Variants in VWA2 observed in about 807,000 individuals in gnomAD.
The protein encoded by VWA2 is von Willebrand factor A domain-containing protein 2.
In VWA2, 73 loss-of-function variants were observed where a neutral mutation model predicts 70.4. The observed-to-expected ratio is 1.04, with a 90% CI of 0.86 to 1.26. The LOEUF is 1.26. VWA2 is among the 50% of genes most tolerant of loss of function. The pLI is 0.00. For missense variants in VWA2, 1,011 were observed against 998.5 expected (o/e 1.01, Z -0.17); for synonymous variants, 407 against 423.3 (o/e 0.96, Z 0.47).
At chr10:114,269,139 C>T (rs893479146) in intron 5 of VWA2, among the ~76,000 whole-genome samples, 1 of 152,206 alleles carries the variant, frequency 6.6e-6, no homozygotes, top group Non-Finnish European at 1.5e-5. Context: ...GAGAGGGTGA[C>T]AGCATTGGTA....
At position 114,292,162 on chromosome 10, in the gene VWA2, A is replaced by G. The variant is rs1440341268; in HGVS notation, c.*925A>G. On this transcript the variant is annotated 3_prime_UTR_variant, in exon 14 of 14. Transcript: ENST00000392982. ...GGTGGTGGTGGATGCCTATAATCCC[A>G]GCTACTCGGGAGGCTGAGACAGGAG... 2.0e-5 allele frequency among the ~76,000 whole-genome samples: 3 copies of G among 152,040 alleles called. No individual in the cohort carries two copies. The highest frequency in any genetic ancestry group is 6.6e-5 in the Admixed American group (1 of 15,256).
At chr10:114,289,696 TTAAC>T in intron 12 of VWA2, 1 of 607,528 alleles carries the variant, frequency 1.6e-6, no homozygotes, top group South Asian at 2.0e-5. Flanking sequence ...TACAGAAAGT[TTAAC>T]TAACATAGAT....
At chr10:114,249,941 C>A (rs2037160656) in intron 2 of VWA2, among the ~76,000 whole-genome samples, 1 of 152,152 alleles carries the variant, frequency 6.6e-6, no homozygotes, top group Non-Finnish European at 1.5e-5. Context: ...TCCTTCCAGT[C>A]CTGCCCTGCA....
At chr10:114,280,396 C>T (rs2038015014) in intron 8 of VWA2, among the ~76,000 whole-genome samples, 1 of 151,784 alleles carries the variant, frequency 6.6e-6, no homozygotes, top group African/African-American at 2.4e-5. Flanking sequence ...GTAGCAGGTG[C>T]TGTGGAGGAA....
Position 114,291,380 on chromosome 10 carries a change from A to G in VWA2, c.*143A>G. 1 of 983,252 alleles carries G rather than the reference A, an allele frequency of 1.0e-6. No individual in the cohort carries two copies. The highest frequency in any genetic ancestry group is 1.4e-6 in the Non-Finnish European group (1 of 689,888). The allele number at this position is 983,252 out of a possible 1,614,324, so 60.9% of individuals were successfully genotyped here. A position where few individuals can be genotyped will look rare whatever the true frequency, so the allele number is the denominator to read the frequency against. ...ATGTCTGCTTCCCGCCGTGGCCAGG[A>G]CCACTATTCTCACTGAGGGAGGAGG... On this transcript the variant is annotated 3_prime_UTR_variant, in exon 14 of 14. Coordinates refer to ENST00000392982, the MANE Select transcript of VWA2 (RefSeq NM_001272046.2).
At chr10:114,279,314 C>T (rs1589768070) in intron 8 of VWA2, among the ~76,000 whole-genome samples, 1 of 152,136 alleles carries the variant, frequency 6.6e-6, no homozygotes, top group Non-Finnish European at 1.5e-5. Context: ...GCACCTGCTG[C>T]CCGTCTGCCC....
At chr10:114,278,161 AAC>A in intron 7 of VWA2, 114 bp downstream of exon 7, 1 of 1,422,882 alleles carries the variant, frequency 7.0e-7, no homozygotes, top group South Asian at 1.4e-5. Flanking sequence ...AGGCAAGAGA[AAC>A]AGAGACCGGC....
rs776837407 is a variant in VWA2, at chr10:114,248,719, C to A, written c.6C>A (p.Pro2=). 1.5e-5 allele frequency: 25 copies of A among 1,613,404 alleles called. No homozygotes were observed. Among genetic ancestry groups the A allele is most frequent in the Non-Finnish European group, 9.3e-6 (11 of 1,179,528 alleles). The part of the protein sequence containing the change: M[P]PFLLLEAVCV... ...GTCCCTGTAGTTATATCAACATGCC[C>A]CCTTTCCTGTTGCTGGAAGCCGTCT... Residue 2 remains proline (P), a synonymous_variant, in exon 2 of 14, where the codon CCC becomes CCA. Transcript: ENST00000392982.
chr10:114,278,388 G>C (rs1165789193), intron 7 of VWA2, among the ~76,000 whole-genome samples: 2 of 152,176 alleles, frequency 1.3e-5, no homozygotes, highest in African/African-American at 4.8e-5. Context: ...TGCTTGGTGC[G>C]AGATCCCTGC....
At chr10:114,288,858 C>T (rs896073516) in intron 11 of VWA2, 80 bp from the exon 12 acceptor site, 4 of 1,505,618 alleles carry the variant, frequency 2.7e-6, no homozygotes, top group Non-Finnish European at 3.6e-6. Flanking sequence ...TGGTCCTACC[C>T]AACCTGGCAG....
rs181683091 is a variant in VWA2, at chr10:114,249,511, C to A, written c.52+746C>A. Reference sequence around the variant, plus strand: ...CCTCAGGTGATCTGACCGTCTTGGCCTCCCAAAGTGCTAGGATTACAGGCA... The same window carrying A: ...CCTCAGGTGATCTGACCGTCTTGGCATCCCAAAGTGCTAGGATTACAGGCA... On this transcript the variant is annotated intron_variant, in intron 2 of 13. Transcript: ENST00000392982. 1.3e-3 allele frequency among the ~76,000 whole-genome samples: 195 copies of A among 152,276 alleles called. 2 individuals carry two copies. Among genetic ancestry groups the A allele is most frequent in the African/African-American group, 4.4e-3 (184 of 41,558 alleles).
rs999030211 is a variant in VWA2, at chr10:114,291,992, C to T, written c.*755C>T. Reference sequence around the variant, plus strand: ...TGAAGGGTCTTCCTTTCAAAAGAGGCTGCGGCCAGAGACTGTGGCTCATGC... The same window carrying T: ...TGAAGGGTCTTCCTTTCAAAAGAGGTTGCGGCCAGAGACTGTGGCTCATGC... On this transcript the variant is annotated 3_prime_UTR_variant, in exon 14 of 14. Coordinates refer to ENST00000392982, the MANE Select transcript of VWA2 (RefSeq NM_001272046.2). Among the ~76,000 whole-genome samples the T allele has an allele frequency of 6.6e-5, 10 of 152,102 alleles. No individual in the cohort carries two copies. Among genetic ancestry groups the T allele is most frequent in the African/African-American group, 2.4e-4 (10 of 41,422 alleles).
rs368890749 is a variant in VWA2 at position 114,278,729 on chromosome 10, C to G, written c.711C>G (p.Val237=). ...GTGTTGTGGACACAGACTGCAGGGT[C>G]GAGGCTCACCCCTGTGAGCACAGGA... The part of the protein sequence containing the change: ...ICSSATPDCR[V]EAHPCEHRTL... Residue 237 remains valine (V), a synonymous_variant, in exon 8 of 14, where the codon GTC becomes GTG. Coordinates refer to ENST00000392982, the MANE Select transcript of VWA2 (RefSeq NM_001272046.2). 1 of 1,613,934 alleles carries G rather than the reference C, an allele frequency of 6.2e-7. No individual in the cohort carries two copies. The highest frequency in any genetic ancestry group is 8.5e-7 in the Non-Finnish European group (1 of 1,180,014).
rs192400010 is a variant in VWA2 at position 114,260,571 on chromosome 10, G to A, written c.262-615G>A. On this transcript the variant is annotated intron_variant, in intron 4 of 13. Transcript: ENST00000392982. ...GATGGTGGCTATGGTTAGCTTCTGC[G>A]GCAGCCCCAGTTGGGTCAGTAAGTG... 9.0e-3 allele frequency among the ~76,000 whole-genome samples: 1,367 copies of A among 152,228 alleles called. 23 individuals carry two copies. The highest frequency in any genetic ancestry group is 0.031 in the African/African-American group (1,304 of 41,528).
At chr10:114,246,505 C>CAAAGAAAAAAAAAAAAAAAAAA in intron 1 of VWA2, 1 of 382,566 alleles carries the variant, frequency 2.6e-6, no homozygotes, top group Non-Finnish European at 4.3e-6. Context: ...AACTCCATCT[C>CAAAGAAAAAAAAAAAAAAAAAA]AAAAAAAAAA....
chr10:114,246,522 AAAAC>A (rs1450916754), intron 1 of VWA2: 279 of 810,966 alleles, frequency 3.4e-4, no homozygotes, highest in Middle Eastern at 1.5e-3. Context: ...AAAAAAAAAA[AAAAC>A]GAGTATCATG....
At chr10:114,259,744 C>T (rs946755550) in intron 4 of VWA2, among the ~76,000 whole-genome samples, 4 of 152,114 alleles carry the variant, frequency 2.6e-5, no homozygotes, top group African/African-American at 9.7e-5. Context: ...TTTTTAATCA[C>T]ACACTAAATT....
intron 9 of VWA2, among the ~76,000 whole-genome samples, chr10:114,284,581 G>A (rs1458580257): frequency 3.3e-5 from 5 of 152,146 alleles, no homozygotes; most frequent in Non-Finnish European, 2.9e-5. Context: ...TTGATGCTAC[G>A]GGGAGCTTCC....
rs1014320004 is a variant in VWA2, at chr10:114,290,498, C to G, written c.2248+133C>G. 1.2e-5 allele frequency: 15 copies of G among 1,302,782 alleles called. No individual in the cohort carries two copies. The Admixed American group carries it at 3.1e-4, about 27-fold the overall frequency. 80.7% of individuals were successfully genotyped at this position (1,302,782 alleles called of 1,614,324 possible). A position where few individuals can be genotyped will look rare whatever the true frequency, so the allele number is the denominator to read the frequency against. ...AAGAAATTATTCAGTCGTTTACCCACGAAACATTTAGTGAGTACCTCCTGC... is the reference window on the plus strand; with the variant it reads ...AAGAAATTATTCAGTCGTTTACCCAGGAAACATTTAGTGAGTACCTCCTGC... On this transcript the variant is annotated intron_variant, in intron 13 of 13. Transcript: ENST00000392982.
Sources: allele counts gnomAD v4.1 joint callset (sites outside exome capture counted in the v4.1 genomes callset), GRCh38; gene constraint gnomAD v4.1.1; transcripts MANE v1.5; gene names NCBI Gene and HGNC (gene_info 2026-07-23, HGNC 2026-07-21).